Variants in TANC2 observed in about 807,000 individuals in gnomAD.
TANC2 encodes tetratricopeptide repeat, ankyrin repeat and coiled-coil containing 2.
TANC2 carries 26 observed loss-of-function variants against 210.5 expected under a neutral mutation model. The ratio of observed to expected loss-of-function variants is 0.12; its 90% CI spans 0.09 to 0.17. TANC2 has a LOEUF of 0.17. Among genes scored for constraint, TANC2 ranks in the 10% least tolerant of loss-of-function variants. TANC2 has a pLI of 1.00. For synonymous variants in TANC2, 931 were observed against 967.1 expected, an observed-to-expected ratio of 0.96 and a Z score of 0.69; for missense variants, 2,129 against 2,608.9, an observed-to-expected ratio of 0.82 and a Z score of 4.01.
chr17:63,275,306 T>C (rs1471795668), intron 9 of TANC2, among the ~76,000 whole-genome samples: 1 of 152,220 alleles, frequency 6.6e-6, no homozygotes, highest in African/African-American at 2.4e-5. Flanking sequence ...TGTTTAGTTA[T>C]TAGCTACTTT....
Position 63,389,798 on chromosome 17 carries a change from A to G in TANC2, c.3051+254A>G, listed in dbSNP as rs73992111. On this transcript the variant is annotated intron_variant, in intron 17 of 27. Transcript: ENST00000689528. Reference sequence around the variant, plus strand: ...ATCCGTAACCACAAAAAGTTTCTACATAACAACCCAGAAATGATCTATTGA... The same window carrying G: ...ATCCGTAACCACAAAAAGTTTCTACGTAACAACCCAGAAATGATCTATTGA... The G allele has an allele frequency of 1.1e-3, 516 of 480,880 alleles. 3 individuals carry two copies. Among genetic ancestry groups the G allele is most frequent in the African/African-American group, 9.2e-3 (475 of 51,394 alleles). 29.8% of individuals were successfully genotyped at this position (480,880 alleles called of 1,614,324 possible). A position where few individuals can be genotyped will look rare whatever the true frequency, so the allele number is the denominator to read the frequency against.
chr17:63,027,593 C>T (rs1388688029), intron 2 of TANC2, among the ~76,000 whole-genome samples: 4 of 151,858 alleles, frequency 2.6e-5, no homozygotes, highest in African/African-American at 7.2e-5. Flanking sequence ...TTAGTCTATA[C>T]CATCTCATGG....
intron 4 of TANC2, chr17:63,117,154 G>C (rs1466666848): frequency 6.6e-6 from 1 of 152,130 alleles, no homozygotes; most frequent in Admixed American, 6.5e-5. Context: ...CCATTCATCA[G>C]CTCTGGACCT....
rs775330801 is a variant in TANC2 at position 63,405,266 on chromosome 17, C to T, written c.3465+11C>T. ...CAGGGCCACTGGCAGGTAAGCAGGGCGACCACTTCCAGTCCCTCAGGCAGG... is the reference window on the plus strand; with the variant it reads ...CAGGGCCACTGGCAGGTAAGCAGGGTGACCACTTCCAGTCCCTCAGGCAGG... On this transcript the variant is annotated intron_variant, in intron 20 of 27. Coordinates refer to ENST00000689528, the Ensembl canonical transcript of TANC2. The T allele has an allele frequency of 1.2e-5, 19 of 1,552,652 alleles. No homozygotes were observed. Among genetic ancestry groups the T allele is most frequent in the Admixed American group, 1.8e-5 (1 of 54,864 alleles).
At chr17:63,089,925 T>G (rs1165283454) in intron 3 of TANC2, among the ~76,000 whole-genome samples, 7 of 150,738 alleles carry the variant, frequency 4.6e-5, no homozygotes, top group Non-Finnish European at 1.0e-4. Flanking sequence ...ACAAATTAGG[T>G]TTTTTAAAAG....
At chr17:63,169,620 C>A (rs2040330911) in intron 5 of TANC2, among the ~76,000 whole-genome samples, 1 of 151,930 alleles carries the variant, frequency 6.6e-6, no homozygotes, top group Non-Finnish European at 1.5e-5. Flanking sequence ...TGGAGACCGT[C>A]CTGGCCAACA....
intron 9 of TANC2, among the ~76,000 whole-genome samples, chr17:63,272,188 C>T (rs1371786269): frequency 1.3e-5 from 2 of 152,076 alleles, no homozygotes; most frequent in Non-Finnish European, 2.9e-5. Flanking sequence ...AGCCAGTTAT[C>T]CCAGCACCAC....
At chr17:63,187,846 T>G (rs1013919527) in intron 5 of TANC2, among the ~76,000 whole-genome samples, 2 of 151,654 alleles carry the variant, frequency 1.3e-5, no homozygotes, top group Admixed American at 6.6e-5. Flanking sequence ...AGAAGACAAG[T>G]GGGGCAGCAT....
intron 9 of TANC2, among the ~76,000 whole-genome samples, chr17:63,276,947 G>C (rs138499848): frequency 1.3e-5 from 2 of 152,248 alleles, no homozygotes; most frequent in Admixed American, 1.3e-4. Flanking sequence ...CAGTACATTG[G>C]CTTATGGTAG....
intron 19 of TANC2, among the ~76,000 whole-genome samples, chr17:63,404,125 AT>A (rs1376566661): frequency 6.6e-6 from 1 of 152,202 alleles, no homozygotes; most frequent in Admixed American, 6.5e-5. Flanking sequence ...GGAAAAAAAA[AT>A]CTTTATCCTC....
intron 11 of TANC2, among the ~76,000 whole-genome samples, chr17:63,319,729 C>T (rs968761748): frequency 2.6e-5 from 4 of 152,140 alleles, no homozygotes; most frequent in South Asian, 2.1e-4. Flanking sequence ...TAAAACTCTT[C>T]GTGCTATACT....
chr17:63,172,268 G>A (rs896022736), intron 5 of TANC2, among the ~76,000 whole-genome samples: 2 of 146,136 alleles, frequency 1.4e-5, no homozygotes, highest in Non-Finnish European at 3.0e-5. Flanking sequence ...CTCAACCCCC[G>A]CCTCTCAGGT....
rs1278173555 is a variant in TANC2, at chr17:63,018,521, TAAAAC to T, written c.67+8900_67+8904del. ...ATAAATAAATAAAATAAACAAAAAATAAAACAAAAAAAGGAATAATATAGAGAGAT... is the reference window on the plus strand; with the variant it reads ...ATAAATAAATAAAATAAACAAAAAATAAAAAAAGGAATAATATAGAGAGAT... On this transcript the variant is annotated intron_variant, in intron 2 of 27. Coordinates refer to ENST00000689528, the Ensembl canonical transcript of TANC2. Among the ~76,000 whole-genome samples the T allele has an allele frequency of 4.0e-4, 60 of 150,610 alleles. 2 individuals are homozygous for T. Among genetic ancestry groups the T allele is most frequent in the African/African-American group, 2.4e-5 (1 of 41,052 alleles).
chr17:62,971,896 C>T (rs1353729735), intron 1 of TANC2, among the ~76,000 whole-genome samples: 2 of 152,204 alleles, frequency 1.3e-5, no homozygotes, highest in East Asian at 3.8e-4. Context: ...CCCAAACCAT[C>T]TCTGCCCCCC....
chr17:63,175,362 A>G (rs891138355), intron 5 of TANC2, among the ~76,000 whole-genome samples: 2 of 151,988 alleles, frequency 1.3e-5, no homozygotes, highest in African/African-American at 4.8e-5. Flanking sequence ...TCCGGTCTCT[A>G]GAAAAAATTT....
At chr17:63,137,001 A>G (rs1282121288) in intron 4 of TANC2, among the ~76,000 whole-genome samples, 1 of 152,212 alleles carries the variant, frequency 6.6e-6, no homozygotes, top group Non-Finnish European at 1.5e-5. Context: ...ACTGAGTTTC[A>G]GAGATGTGCA....
intron 2 of TANC2, among the ~76,000 whole-genome samples, chr17:63,011,130 A>G (rs1017578057): frequency 2.0e-5 from 3 of 152,100 alleles, no homozygotes; most frequent in Non-Finnish European, 2.9e-5. Flanking sequence ...TCTCGTTAGC[A>G]TATAGAAAAC....
chr17:63,247,262 G>A (rs868180923), intron 8 of TANC2, among the ~76,000 whole-genome samples: 1 of 151,954 alleles, frequency 6.6e-6, no homozygotes, highest in Non-Finnish European at 1.5e-5. Flanking sequence ...ATATAAAAAT[G>A]TCAAATTTTG....
intron 12 of TANC2, among the ~76,000 whole-genome samples, chr17:63,350,815 C>T (rs1189601396): frequency 6.6e-6 from 1 of 150,594 alleles, no homozygotes; most frequent in Non-Finnish European, 1.5e-5. Flanking sequence ...TTACATAAAC[C>T]TTTTTGGGGA....
Sources: allele counts gnomAD v4.1 joint callset (sites outside exome capture counted in the v4.1 genomes callset), GRCh38; gene constraint gnomAD v4.1.1; transcripts MANE v1.5; gene names NCBI Gene and HGNC (gene_info 2026-07-23, HGNC 2026-07-21).